REDIC1: variants seen among roughly 807,000 people sequenced by gnomAD.
REDIC1 encodes HEI10 Interacting Protein 1.
the REDIC1 span, among the ~76,000 whole-genome samples, chr12:39,690,762 C>G: frequency 6.6e-6 from 1 of 151,974 alleles, no homozygotes; most frequent in African/African-American, 2.4e-5. Context: ...AAAGCCCATT[C>G]GGAAAAGAGA....
At chr12:39,767,252 C>G in the REDIC1 span, among the ~76,000 whole-genome samples, 1 of 151,738 alleles carries the variant, frequency 6.6e-6, no homozygotes, top group South Asian at 2.1e-4. Flanking sequence ...CATCAGAGCC[C>G]TTGAGTGACC....
the REDIC1 span, chr12:39,764,543 G>A: frequency 6.2e-7 from 1 of 1,612,132 alleles, no homozygotes; most frequent in Non-Finnish European, 8.5e-7. Flanking sequence ...AGATGAACAT[G>A]CATTTCCTGT....
chr12:39,684,807 G>T, the REDIC1 span: 3 of 1,260,628 alleles, frequency 2.4e-6, no homozygotes, highest in African/African-American at 3.0e-5. Flanking sequence ...CTCTAATTTA[G>T]AACAATAATT....
At chr12:39,685,323 G>A in the REDIC1 span, among the ~76,000 whole-genome samples, 1 of 152,128 alleles carries the variant, frequency 6.6e-6, no homozygotes, top group Non-Finnish European at 1.5e-5. Flanking sequence ...CATCTGATTG[G>A]TTTCGGGCAG....
the REDIC1 span, among the ~76,000 whole-genome samples, chr12:39,804,128 A>G: frequency 6.6e-6 from 1 of 152,152 alleles, no homozygotes; most frequent in Non-Finnish European, 1.5e-5. Flanking sequence ...GTGGTGGGGA[A>G]AAAAACACTA....
At chr12:39,656,724 GAC>G in the REDIC1 span, among the ~76,000 whole-genome samples, 1 of 152,160 alleles carries the variant, frequency 6.6e-6, no homozygotes, top group Non-Finnish European at 1.5e-5. Context: ...GGAAGTGAAA[GAC>G]AGTGAGATTG....
At chr12:39,877,703 T>C in the REDIC1 span, among the ~76,000 whole-genome samples, 3 of 152,234 alleles carry the variant, frequency 2.0e-5, no homozygotes. Context: ...TTCCAATGTT[T>C]ACAGAAATAA....
the REDIC1 span, chr12:39,626,215 C>T: frequency 2.9e-6 from 3 of 1,035,072 alleles, no homozygotes; most frequent in East Asian, 2.5e-5. Flanking sequence ...CCAGAAGGAG[C>T]TTACTCGGGC....
At chr12:39,721,055 A>C in the REDIC1 span, 1 of 1,613,836 alleles carries the variant, frequency 6.2e-7, no homozygotes, top group Non-Finnish European at 8.5e-7. Context: ...TGCGTTCTGC[A>C]GGCTGCAAGG....
chr12:39,696,081 C>G, the REDIC1 span, among the ~76,000 whole-genome samples: 1 of 152,140 alleles, frequency 6.6e-6, no homozygotes, highest in Non-Finnish European at 1.5e-5. Flanking sequence ...GCTTAGGTCT[C>G]AACACCCAAG....
At chr12:39,692,102 TA>T in the REDIC1 span, 1 of 1,573,284 alleles carries the variant, frequency 6.4e-7, no homozygotes, top group Non-Finnish European at 8.7e-7. Flanking sequence ...GAATATCTAC[TA>T]AGAAAATCTG....
At chr12:39,751,131 C>G in the REDIC1 span, among the ~76,000 whole-genome samples, 1 of 152,144 alleles carries the variant, frequency 6.6e-6, no homozygotes, top group Non-Finnish European at 1.5e-5. Flanking sequence ...AGGCAACCTA[C>G]AGAATGGGAG....
At chr12:39,633,267 G>A in the REDIC1 span, among the ~76,000 whole-genome samples, 130 of 151,892 alleles carry the variant, frequency 8.6e-4, 1 homozygote, top group Admixed American at 3.0e-3. Context: ...TTTTTCAAAC[G>A]TTTTTATTAA....
At chr12:39,700,154 A>G in the REDIC1 span, among the ~76,000 whole-genome samples, 1 of 152,214 alleles carries the variant, frequency 6.6e-6, no homozygotes, top group South Asian at 2.1e-4. Flanking sequence ...CTATGGGAGG[A>G]CATTCAAACC....
the REDIC1 span, among the ~76,000 whole-genome samples, chr12:39,653,572 T>TCTTC: frequency 1.4e-5 from 1 of 72,818 alleles, no homozygotes; most frequent in African/African-American, 4.3e-5. Flanking sequence ...TTCTTCTTCT[T>TCTTC]TTTCTTCCTC....
chr12:39,784,632 A>G, the REDIC1 span, among the ~76,000 whole-genome samples: 1 of 152,208 alleles, frequency 6.6e-6, no homozygotes, highest in Non-Finnish European at 1.5e-5. Context: ...CTAGAAGAAA[A>G]TCTAGGCAAT....
At chr12:39,628,598 C>A in the REDIC1 span, among the ~76,000 whole-genome samples, 7 of 152,180 alleles carry the variant, frequency 4.6e-5, no homozygotes, top group Admixed American at 4.6e-4. Context: ...AGAACAATTC[C>A]AGAGCCTTCA....
At chr12:39,830,167 T>C in the REDIC1 span, 1 of 1,613,764 alleles carries the variant, frequency 6.2e-7, no homozygotes, top group Non-Finnish European at 8.5e-7. Context: ...TCAATGACAG[T>C]TGATTTGTTC....
chr12:39,713,801 A>G, the REDIC1 span, among the ~76,000 whole-genome samples: 2 of 148,956 alleles, frequency 1.3e-5, no homozygotes, highest in African/African-American at 4.9e-5. Context: ...AGATGTATAT[A>G]TGCATGTGTA....
Sources: gnomAD v4.1 joint callset for allele counts (sites outside exome capture counted in the v4.1 genomes callset) on GRCh38, gnomAD v4.1.1 for gene constraint, MANE v1.5 for transcripts, NCBI Gene and HGNC (gene_info 2026-07-23, HGNC 2026-07-21) for gene names.